HNF4G: variants seen among roughly 807,000 people sequenced by gnomAD.
HNF4G encodes the protein hepatocyte nuclear factor 4 gamma, also known as hepatocyte nuclear factor 4-gamma.
A neutral mutation model predicts 50.9 loss-of-function variants in HNF4G; 21 were observed. The observed-to-expected ratio is 0.41, with a 90% confidence interval of 0.29 to 0.59. The LOEUF (loss-of-function observed/expected upper bound fraction) is 0.59. HNF4G is among the 20% of genes least tolerant of loss of function. HNF4G has a pLI of 0.26. For synonymous variants in HNF4G, 198 were observed against 185.6 expected (o/e 1.07, Z -0.54); for missense variants, 527 against 559.4 (o/e 0.94, Z 0.58).
At chr8:75,560,278 G>A in intron 8 of HNF4G, 66 bp from the exon 9 acceptor site, 3 of 1,545,674 alleles carry the variant, frequency 1.9e-6, no homozygotes, top group Non-Finnish European at 2.7e-6. Context: ...CAAAACATTT[G>A]TTTCAAGGTA....
At chr8:75,442,317 C>T (rs1811306665) in intron 1 of HNF4G, among the ~76,000 whole-genome samples, 1 of 151,480 alleles carries the variant, frequency 6.6e-6, no homozygotes, top group African/African-American at 2.4e-5. Flanking sequence ...TTAAACTGAA[C>T]ACATATTAAA....
chr8:75,537,895 GT>G (rs1806511293), upstream of HNF4G, among the ~76,000 whole-genome samples: 1 of 152,022 alleles, frequency 6.6e-6, no homozygotes, highest in African/African-American at 2.4e-5. Flanking sequence ...ATGACTTTCT[GT>G]TTTAATTATT....
chr8:75,472,426 T>C (rs1812136343), intron 1 of HNF4G, among the ~76,000 whole-genome samples: 1 of 152,196 alleles, frequency 6.6e-6, no homozygotes, highest in African/African-American at 2.4e-5. Flanking sequence ...ACCACTGGTG[T>C]AGCCGAACCC....
intron 2 of HNF4G, among the ~76,000 whole-genome samples, chr8:75,514,650 C>T (rs1354643387): frequency 2.0e-5 from 3 of 151,860 alleles, no homozygotes; most frequent in Non-Finnish European, 4.4e-5. Context: ...TGCACCCGGC[C>T]CATCTTTTTA....
At chr8:75,525,204 C>G (rs1015647927) in intron 2 of HNF4G, among the ~76,000 whole-genome samples, 1 of 152,150 alleles carries the variant, frequency 6.6e-6, no homozygotes, top group Admixed American at 6.5e-5. Flanking sequence ...GGGTCTTGCT[C>G]TGTCTCCCAG....
chr8:75,426,121 C>A (rs538970820), intron 1 of HNF4G, among the ~76,000 whole-genome samples: 2 of 152,260 alleles, frequency 1.3e-5, no homozygotes, highest in East Asian at 3.9e-4. Context: ...TTGGTCATTT[C>A]CTTTCTTTCC....
chr8:75,453,480 G>A (rs952765181), intron 1 of HNF4G, among the ~76,000 whole-genome samples: 19 of 152,072 alleles, frequency 1.2e-4, no homozygotes, highest in African/African-American at 4.6e-4. Context: ...GACAAATAAG[G>A]GAATAAAAGC....
intron 2 of HNF4G, among the ~76,000 whole-genome samples, chr8:75,515,269 C>T (rs1294219394): frequency 1.3e-5 from 2 of 152,124 alleles, no homozygotes; most frequent in African/African-American, 4.8e-5. Flanking sequence ...CATTTGCTCT[C>T]CTTCCTGTAG....
intron 1 of HNF4G, among the ~76,000 whole-genome samples, chr8:75,417,628 T>G (rs763464768): frequency 6.6e-6 from 1 of 152,224 alleles, no homozygotes; most frequent in African/African-American, 2.4e-5. Flanking sequence ...GGTAATTTTA[T>G]TTTTCTCCTT....
At chr8:75,534,708 T>C (rs1806414818) in intron 2 of HNF4G, among the ~76,000 whole-genome samples, 1 of 151,908 alleles carries the variant, frequency 6.6e-6, no homozygotes, top group African/African-American at 2.4e-5. Context: ...CTGTCAACTT[T>C]CTTTAGATTT....
Position 75,558,491 on chromosome 8 carries a change from T to A in HNF4G, c.734-27T>A, listed in dbSNP as rs758451601. On this transcript the variant is annotated intron_variant, in intron 6 of 9. Transcript: ENST00000396423. The stretch of plus-strand genomic sequence containing the variant: ...GGGGAGACAGGTGGTTATTTTGTTT[T>A]GTTTTGTTTTGTTTTCTCTCTCATA... 2.5e-6 allele frequency: 4 copies of A among 1,592,342 alleles called. No homozygotes were observed. In the South Asian group the frequency reaches 4.6e-5, roughly 18 times the overall value.
upstream of HNF4G, among the ~76,000 whole-genome samples, chr8:75,538,766 T>C (rs1022753125): frequency 6.6e-6 from 1 of 152,208 alleles, no homozygotes; most frequent in Non-Finnish European, 1.5e-5. Flanking sequence ...ATTTAGTGAA[T>C]CTGGCTGCTA....
intron 2 of HNF4G, among the ~76,000 whole-genome samples, chr8:75,530,430 T>TA (rs5892497): frequency 0.37 from 54,090 of 146,378 alleles, 10,361 homozygotes; most frequent in African/African-American, 0.48. Flanking sequence ...CCACCAGTAA[T>TA]AAAAAAAAAA....
At chr8:75,516,607 C>G (rs923610307) in intron 2 of HNF4G, among the ~76,000 whole-genome samples, 4 of 152,074 alleles carry the variant, frequency 2.6e-5, no homozygotes, top group Non-Finnish European at 5.9e-5. Flanking sequence ...TGGTCATCTA[C>G]ATCCTTACTG....
chr8:75,408,345 T>TG (rs749733538), intron 1 of HNF4G, among the ~76,000 whole-genome samples: 15 of 152,028 alleles, frequency 9.9e-5, no homozygotes, highest in Admixed American at 6.6e-4. Flanking sequence ...CCCAGGTCTC[T>TG]GGGGGGTCTT....
At chr8:75,476,330 A>ATC (rs1473515831) in intron 1 of HNF4G, among the ~76,000 whole-genome samples, 12 of 152,278 alleles carry the variant, frequency 7.9e-5, no homozygotes, top group African/African-American at 2.6e-4. Flanking sequence ...TCTTTACCCA[A>ATC]TCATTCATTG....
chr8:75,544,275 C>T (rs1393484481), intron 2 of HNF4G, among the ~76,000 whole-genome samples: 1 of 152,176 alleles, frequency 6.6e-6, no homozygotes, highest in East Asian at 1.9e-4. Context: ...GTCACTTTTT[C>T]TCCCTCGTCT....
intron 1 of HNF4G, among the ~76,000 whole-genome samples, chr8:75,473,028 A>C (rs2672864): frequency 6.6e-6 from 1 of 151,990 alleles, no homozygotes; most frequent in East Asian, 1.9e-4. Context: ...TAAAAGTGTC[A>C]GCCGGGAGCA....
At chr8:75,536,512 T>C (rs1410832770), upstream of HNF4G, among the ~76,000 whole-genome samples, 1 of 152,068 alleles carries the variant, frequency 6.6e-6, no homozygotes, top group Non-Finnish European at 1.5e-5. Context: ...CCATGTAAAG[T>C]ACTTGATGAA....
Sources: gnomAD v4.1 joint callset for allele counts (sites outside exome capture counted in the v4.1 genomes callset) on GRCh38, gnomAD v4.1.1 for gene constraint, MANE v1.5 for transcripts, NCBI Gene and HGNC (gene_info 2026-07-23, HGNC 2026-07-21) for gene names.